Variants in OTUD7A observed in about 807,000 individuals in gnomAD.
The protein encoded by OTUD7A is OTU domain-containing protein 7A.
A neutral mutation model predicts 65.7 loss-of-function variants in OTUD7A; 12 were observed. That is an observed-to-expected ratio of 0.18 (90% confidence interval 0.12 to 0.30). The LOEUF (loss-of-function observed/expected upper bound fraction) is 0.30. OTUD7A is among the 10% of genes least tolerant of loss of function. The pLI, the probability that OTUD7A is intolerant of heterozygous loss-of-function variation, is 1.00. For synonymous variants in OTUD7A, 641 were observed against 586.3 expected (o/e 1.09, Z -1.35); for missense variants, 1,148 against 1,304.8 (o/e 0.88, Z 1.85).
chr15:31,625,680 C>A (rs1378830883), intron 3 of OTUD7A, among the ~76,000 whole-genome samples: 3 of 152,108 alleles, frequency 2.0e-5, no homozygotes, highest in African/African-American at 4.8e-5. Flanking sequence ...AAAAGCAAAG[C>A]CACATCTCCA....
At position 31,580,336 on chromosome 15, in the gene OTUD7A, C is replaced by T. The variant is rs79513630; in HGVS notation, c.152-10139G>A. Among the ~76,000 whole-genome samples, 6 of 152,268 alleles carry T rather than the reference C, an allele frequency of 3.9e-5. No homozygotes were observed. In the East Asian group the frequency reaches 1.2e-3, roughly 29 times the overall value. ...TTGTACAGTGGGGTTTAGATTTGAC[C>T]TCAAAGGCAAAGATGAGTCACTGAG... On this transcript the variant is annotated intron_variant, in intron 3 of 12. Coordinates refer to ENST00000307050, the MANE Select transcript of OTUD7A (RefSeq NM_001382637.1).
Position 31,864,891 on chromosome 15 carries a change from G to A in OTUD7A, c.-100+5616C>T, listed in dbSNP as rs149892508. ...GATAGAAACTGGGCTGATGGTAAGT[G>A]AGACAAATACTGTCTCCAGTTCCTT... On this transcript the variant is annotated intron_variant, in intron 1 of 12. Coordinates refer to ENST00000307050, the MANE Select transcript of OTUD7A (RefSeq NM_001382637.1). 6.0e-3 allele frequency among the ~76,000 whole-genome samples: 911 copies of A among 152,308 alleles called. 11 individuals carry two copies. Among genetic ancestry groups the A allele is most frequent in the African/African-American group, 0.021 (880 of 41,546 alleles).
intron 1 of OTUD7A, among the ~76,000 whole-genome samples, chr15:31,828,424 A>G (rs2140980549): frequency 6.6e-6 from 1 of 152,308 alleles, no homozygotes. Context: ...GGTAATTAGC[A>G]TACGCATCAA....
rs1450637022 is a variant in OTUD7A, at chr15:31,478,154, G to A, written c.*5140C>T. 9 of 152,210 alleles carry A rather than the reference G, an allele frequency of 5.9e-5. No homozygotes were observed. The highest frequency in any genetic ancestry group is 1.0e-4 in the Non-Finnish European group (7 of 68,042). 9.4% of individuals were successfully genotyped at this position (152,210 alleles called of 1,614,324 possible). On this transcript the variant is annotated 3_prime_UTR_variant, in exon 13 of 13. Transcript: ENST00000307050. Reference sequence around the variant, plus strand: ...ATGGGAGAGGCCTTTGTAAGGACCTGGCTTTTCCTCTGCCATGGGAGGCTG... The same window carrying A: ...ATGGGAGAGGCCTTTGTAAGGACCTAGCTTTTCCTCTGCCATGGGAGGCTG...
intron 1 of OTUD7A, among the ~76,000 whole-genome samples, chr15:31,797,186 A>G (rs1323138518): frequency 6.6e-6 from 1 of 152,150 alleles, no homozygotes; most frequent in Non-Finnish European, 1.5e-5. Flanking sequence ...GGAGCATGGG[A>G]GCCCGCGCTG....
At chr15:31,666,594 T>C (rs544093023) in intron 1 of OTUD7A, among the ~76,000 whole-genome samples, 28 of 152,324 alleles carry the variant, frequency 1.8e-4, no homozygotes, top group African/African-American at 5.8e-4. Flanking sequence ...AGCTTTTGTT[T>C]CATTTATCTT....
At chr15:31,723,223 C>T (rs1272758236) in intron 1 of OTUD7A, among the ~76,000 whole-genome samples, 3 of 152,148 alleles carry the variant, frequency 2.0e-5, no homozygotes, top group South Asian at 2.1e-4. Flanking sequence ...GGAGGAGGCC[C>T]GGAGGCCTGC....
At chr15:31,798,902 G>A (rs1896045379) in intron 1 of OTUD7A, among the ~76,000 whole-genome samples, 1 of 152,046 alleles carries the variant, frequency 6.6e-6, no homozygotes, top group Non-Finnish European at 1.5e-5. Flanking sequence ...TCCTCTTTTT[G>A]CAGGGAGCTG....
intron 4 of OTUD7A, among the ~76,000 whole-genome samples, chr15:31,565,874 A>G (rs1888852321): frequency 6.6e-6 from 1 of 152,222 alleles, no homozygotes; most frequent in Admixed American, 6.5e-5. Flanking sequence ...AAAGACTCAA[A>G]GAACAAAATT....
At chr15:31,831,254 G>A (rs1212974673) in intron 1 of OTUD7A, among the ~76,000 whole-genome samples, 6 of 152,036 alleles carry the variant, frequency 3.9e-5, no homozygotes, top group African/African-American at 1.4e-4. Context: ...AGTTTCTTAG[G>A]ACACAGAAAC....
chr15:31,808,181 A>T (rs1020128414), intron 1 of OTUD7A, among the ~76,000 whole-genome samples: 16 of 151,252 alleles, frequency 1.1e-4, no homozygotes, highest in South Asian at 2.1e-4. Flanking sequence ...TTTCAACTAA[A>T]ACACAACTCA....
At chr15:31,610,621 T>A (rs796868277) in intron 3 of OTUD7A, among the ~76,000 whole-genome samples, 140 of 75,302 alleles carry the variant, frequency 1.9e-3, no homozygotes, top group Non-Finnish European at 3.0e-3. Context: ...ATATATATTT[T>A]TTTTTTTTTT....
chr15:31,486,832 C>G (rs1038671306), intron 12 of OTUD7A, among the ~76,000 whole-genome samples: 2 of 152,266 alleles, frequency 1.3e-5, no homozygotes, highest in African/African-American at 2.4e-5. Context: ...TGTGTTGTGA[C>G]TTGCCTGTGG....
At chr15:31,678,987 G>A (rs150784667) in intron 1 of OTUD7A, among the ~76,000 whole-genome samples, 75 of 152,344 alleles carry the variant, frequency 4.9e-4, no homozygotes, top group African/African-American at 1.7e-3. Context: ...AATACCACAG[G>A]GATGGAGCTG....
chr15:31,750,890 C>T (rs1407409885), intron 1 of OTUD7A, among the ~76,000 whole-genome samples: 1 of 152,146 alleles, frequency 6.6e-6, no homozygotes, highest in Non-Finnish European at 1.5e-5. Flanking sequence ...AAGAATGAAA[C>T]TGGACCCCTC....
intron 1 of OTUD7A, among the ~76,000 whole-genome samples, chr15:31,838,064 C>T (rs553322257): frequency 3.3e-5 from 5 of 152,274 alleles, no homozygotes; most frequent in African/African-American, 1.2e-4. Flanking sequence ...AGCAATTGCA[C>T]ATCCATAAGC....
At chr15:31,729,639 C>G (rs1893987259) in intron 1 of OTUD7A, among the ~76,000 whole-genome samples, 1 of 152,150 alleles carries the variant, frequency 6.6e-6, no homozygotes, top group African/African-American at 2.4e-5. Flanking sequence ...TTCATTTTCA[C>G]TTTTAGATTT....
chr15:31,633,840 C>T (rs4779907), intron 3 of OTUD7A, among the ~76,000 whole-genome samples: 43,508 of 152,034 alleles, frequency 0.29, 7,342 homozygotes, highest in African/African-American at 0.47. Context: ...CACCCGCTAG[C>T]GAGCACACAG....
chr15:31,614,683 T>G (rs1379307194), intron 3 of OTUD7A, among the ~76,000 whole-genome samples: 1 of 152,064 alleles, frequency 6.6e-6, no homozygotes, highest in African/African-American at 2.4e-5. Context: ...TAGAAAATAC[T>G]AAAAGGTGTT....
Sources: gnomAD v4.1 joint callset for allele counts (sites outside exome capture counted in the v4.1 genomes callset) on GRCh38, gnomAD v4.1.1 for gene constraint, MANE v1.5 for transcripts, NCBI Gene and HGNC (gene_info 2026-07-23, HGNC 2026-07-21) for gene names.